Variants in STARD9 observed in about 807,000 individuals in gnomAD.
STARD9 encodes the protein StAR related lipid transfer domain containing 9.
Under a neutral mutation model 399.8 loss-of-function variants are expected in STARD9, and 346 were observed. That is an observed-to-expected ratio of 0.87 (90% confidence interval 0.79 to 0.95). The LOEUF is 0.95. Among genes scored for constraint, STARD9 ranks in the 40% least tolerant of loss-of-function variants. The probability of loss-of-function intolerance (pLI) is 0.00; values close to 1 mark genes in which losing one functional copy is unlikely to be tolerated. For missense variants in STARD9, 5,832 were observed against 5,667.5 expected (o/e 1.03, Z -0.93); for synonymous variants, 2,203 against 2,143.5 (o/e 1.03, Z -0.77).
intron 3 of STARD9, among the ~76,000 whole-genome samples, chr15:42,617,523 T>G (rs576843392): frequency 6.6e-6 from 1 of 152,184 alleles, no homozygotes; most frequent in South Asian, 2.1e-4. Context: ...GTTATCACCC[T>G]AGTTGGAATT....
At chr15:42,705,741 T>C (rs1445897543) in intron 26 of STARD9, among the ~76,000 whole-genome samples, 1 of 151,674 alleles carries the variant, frequency 6.6e-6, no homozygotes, top group African/African-American at 2.4e-5. Context: ...GCACCCAGCC[T>C]GTTGTTTGTT....
intron 3 of STARD9, among the ~76,000 whole-genome samples, chr15:42,623,217 A>C (rs886333891): frequency 3.3e-5 from 5 of 151,740 alleles, no homozygotes; most frequent in Non-Finnish European, 7.4e-5. Context: ...GTGCCATTGC[A>C]CTCCAGCCTG....
At chr15:42,656,845 G>A (rs1005716049) in intron 9 of STARD9, among the ~76,000 whole-genome samples, 1 of 152,100 alleles carries the variant, frequency 6.6e-6, no homozygotes, top group African/African-American at 2.4e-5. Flanking sequence ...GCATAAGAAT[G>A]AACTTTGGGG....
At position 42,688,529 on chromosome 15, in the gene STARD9, A is replaced by G. The variant is rs1263197595; in HGVS notation, c.6951A>G (p.Leu2317=). The part of the protein sequence containing the change: ...FFRQETVSPL[L]SRTEFCTAPL... ...GGCAGGAAACTGTCAGCCCATTACT[A>G]AGCCGGACAGAATTCTGTACAGCTC... Residue 2317 remains leucine, a synonymous_variant, in exon 23 of 33, where the codon CTA becomes CTG. Coordinates refer to ENST00000290607, the MANE Select transcript of STARD9 (RefSeq NM_020759.3). The G allele has an allele frequency of 4.6e-6, 7 of 1,537,848 alleles. No individual in the cohort carries two copies. The South Asian group carries it at 8.3e-5, about 18-fold the overall frequency.
chr15:42,655,984 T>C (rs2059860825), intron 9 of STARD9, among the ~76,000 whole-genome samples: 2 of 152,038 alleles, frequency 1.3e-5, no homozygotes. Context: ...ATGCTCAACA[T>C]CACTGATTAT....
chr15:42,661,305 C>A, intron 10 of STARD9, 80 bp downstream of exon 10: 1 of 977,772 alleles, frequency 1.0e-6, no homozygotes, highest in South Asian at 1.4e-5. Context: ...CAATCTTTTT[C>A]ACATTTCAGT....
chr15:42,617,372 T>C (rs1300116543), intron 3 of STARD9, among the ~76,000 whole-genome samples: 1 of 152,196 alleles, frequency 6.6e-6, no homozygotes. Context: ...ATAATTTTTT[T>C]TTCTTTGGAG....
chr15:42,660,394 GTC>G (rs2059970565), intron 9 of STARD9, among the ~76,000 whole-genome samples: 1 of 151,932 alleles, frequency 6.6e-6, no homozygotes, highest in Non-Finnish European at 1.5e-5. Flanking sequence ...GTGAAACCCT[GTC>G]TCTGCTAAAA....
chr15:42,580,042 CAGA>C (rs1436507386), intron 1 of STARD9, among the ~76,000 whole-genome samples: 3 of 152,054 alleles, frequency 2.0e-5, no homozygotes, highest in African/African-American at 4.8e-5. Flanking sequence ...GGAGGAATGG[CAGA>C]AGAAGAGCAA....
intron 1 of STARD9, 42 bp from the exon 2 acceptor site, chr15:42,583,304 T>G: frequency 6.8e-7 from 1 of 1,478,874 alleles, no homozygotes; most frequent in South Asian, 1.2e-5. Context: ...TTTTCTTGAT[T>G]TTAAAAACAA....
At chr15:42,712,096 T>TATATATATATATATATAA (rs1566966126) in intron 26 of STARD9, among the ~76,000 whole-genome samples, 1 of 508 alleles carries the variant, frequency 2.0e-3, no homozygotes, top group African/African-American at 3.6e-3. Context: ...TATATATATA[T>TATATATATATATATATAA]AATATATAAT....
At chr15:42,660,701 T>A (rs1365915519) in intron 9 of STARD9, among the ~76,000 whole-genome samples, 1 of 151,960 alleles carries the variant, frequency 6.6e-6, no homozygotes, top group African/African-American at 2.4e-5. Context: ...TGGCGCTAAA[T>A]AGAACTTACA....
chr15:42,703,983 C>T (rs865791275), intron 26 of STARD9, among the ~76,000 whole-genome samples: 9 of 152,110 alleles, frequency 5.9e-5, no homozygotes, highest in Admixed American at 2.6e-4. Flanking sequence ...TCTTGGCTCA[C>T]GGCAACCTCC....
chr15:42,670,799 A>C (rs1293679327), intron 16 of STARD9: 4 of 152,208 alleles, frequency 2.6e-5, no homozygotes, highest in African/African-American at 9.7e-5. Flanking sequence ...ACAGGGTATA[A>C]ATTTTCTTAG....
intron 12 of STARD9, 147 bp downstream of exon 12, chr15:42,663,637 G>C (rs2140104328): frequency 1.6e-6 from 1 of 614,800 alleles, no homozygotes; most frequent in African/African-American, 1.8e-5. Context: ...GCCCCAGTGA[G>C]TGGGATGCCA....
chr15:42,588,790 T>TTTG (rs2058334368), intron 3 of STARD9, among the ~76,000 whole-genome samples: 7 of 21,798 alleles, frequency 3.2e-4, no homozygotes, highest in African/African-American at 5.8e-4. Flanking sequence ...TTTTTTTTTT[T>TTTG]TTTTTTTTTT....
intron 3 of STARD9, among the ~76,000 whole-genome samples, chr15:42,622,312 A>G (rs1213898417): frequency 6.6e-6 from 1 of 151,892 alleles, no homozygotes; most frequent in Non-Finnish European, 1.5e-5. Flanking sequence ...AATGAAAGCC[A>G]AGTTTCTCAT....
intron 4 of STARD9, among the ~76,000 whole-genome samples, chr15:42,635,216 T>G (rs2141917551): frequency 6.8e-6 from 1 of 147,224 alleles, no homozygotes; most frequent in East Asian, 2.1e-4. Context: ...ACTGAGATCG[T>G]GCCATTGCAC....
At chr15:42,717,867 C>T in intron 29 of STARD9, 72 bp downstream of exon 29, 1 of 1,507,636 alleles carries the variant, frequency 6.6e-7, no homozygotes, top group Non-Finnish European at 8.9e-7. Flanking sequence ...CTTCTCTCCT[C>T]CTTTCCCTTA....
Sources: gnomAD v4.1 joint callset for allele counts (sites outside exome capture counted in the v4.1 genomes callset) on GRCh38, gnomAD v4.1.1 for gene constraint, MANE v1.5 for transcripts, NCBI Gene and HGNC (gene_info 2026-07-23, HGNC 2026-07-21) for gene names.